Variants in ZMYND11 observed in about 807,000 individuals in gnomAD.
ZMYND11 encodes zinc finger MYND-type containing 11, also known as zinc finger MYND domain-containing protein 11.
A neutral mutation model predicts 84.9 loss-of-function variants in ZMYND11; 9 were observed. The observed-to-expected ratio is 0.11, with a 90% CI of 0.06 to 0.18. The LOEUF is 0.18. Among genes scored for constraint, ZMYND11 ranks in the 10% least tolerant of loss-of-function variants. The pLI, the probability that ZMYND11 is intolerant of heterozygous loss-of-function variation, is 1.00. For missense variants in ZMYND11, 409 were observed against 761.0 expected, an observed-to-expected ratio of 0.54 and a Z score of 5.44; for synonymous variants, 250 against 244.1, an observed-to-expected ratio of 1.02 and a Z score of -0.23.
intron 5 of ZMYND11, 140 bp from the exon 6 acceptor site, chr10:237,445 C>G (rs1359315240): frequency 6.1e-6 from 3 of 491,794 alleles, no homozygotes; most frequent in Non-Finnish European, 3.4e-6. Context: ...GAGTTCAAGA[C>G]CAGCCTGGGC....
chr10:158,977 G>GTTTT (rs1378319956), intron 1 of ZMYND11, among the ~76,000 whole-genome samples: 6 of 117,656 alleles, frequency 5.1e-5, no homozygotes, highest in Non-Finnish European at 1.0e-4. Context: ...GATTTGCAGG[G>GTTTT]TTTTTTGTTT....
chr10:253,718 AT>A lies in ZMYND11; in HGVS notation c.*1250del, dbSNP rs928733782. 1 of 152,676 alleles carries A rather than the reference AT, an allele frequency of 6.5e-6. No individual in the cohort carries two copies. The highest frequency in any genetic ancestry group is 6.5e-5 in the Admixed American group (1 of 15,284). The allele number at this position is 152,676 out of a possible 1,614,324, so 9.5% of individuals were successfully genotyped here. The stretch of plus-strand genomic sequence containing the variant: ...AAAGACTGATCTTAGACCAAGTCAA[AT>A]TCCCATTTATCATTTAGTTATTTTT... On this transcript the variant is annotated 3_prime_UTR_variant, in exon 15 of 15. Transcript: ENST00000381604.
intron 4 of ZMYND11, among the ~76,000 whole-genome samples, chr10:221,943 T>C (rs577498332): frequency 6.6e-6 from 1 of 152,312 alleles, no homozygotes; most frequent in African/African-American, 2.4e-5. Context: ...ACAATTACTT[T>C]TATTCATTGA....
At chr10:145,244 ATG>A (rs1838527130) in intron 1 of ZMYND11, among the ~76,000 whole-genome samples, 1 of 150,506 alleles carries the variant, frequency 6.6e-6, no homozygotes, top group African/African-American at 2.4e-5. Context: ...ATGTGTGTGT[ATG>A]TATATATATA....
chr10:254,485 T>A lies in ZMYND11; in HGVS notation c.*2015T>A, dbSNP rs1173943700. ...TGCAAATCATAAAGCTATATCGAGGTGTTGAGCTTAGCCACTATGCACATT... is the reference window on the plus strand; with the variant it reads ...TGCAAATCATAAAGCTATATCGAGGAGTTGAGCTTAGCCACTATGCACATT... On this transcript the variant is annotated 3_prime_UTR_variant, in exon 15 of 15. Coordinates refer to ENST00000381604, the MANE Select transcript of ZMYND11 (RefSeq NM_001370100.5). The A allele has an allele frequency of 6.6e-6, 1 of 152,644 alleles. No homozygotes were observed. The highest frequency in any genetic ancestry group is 2.4e-5 in the African/African-American group (1 of 41,462). The allele number at this position is 152,644 out of a possible 1,614,324, so 9.5% of individuals were successfully genotyped here. A position where few individuals can be genotyped will look rare whatever the true frequency, so the allele number is the denominator to read the frequency against.
At chr10:185,207 T>G (rs1420982892) in intron 2 of ZMYND11, among the ~76,000 whole-genome samples, 2 of 152,084 alleles carry the variant, frequency 1.3e-5, no homozygotes, top group African/African-American at 4.8e-5. Context: ...CATTTTACCC[T>G]CCTATACTCT....
At position 252,238 on chromosome 10, in the gene ZMYND11, T is replaced by C. The variant is rs1953664057; in HGVS notation, c.1687-110T>C. 3 of 1,339,138 alleles carry C rather than the reference T, an allele frequency of 2.2e-6. No homozygotes were observed. The highest frequency in any genetic ancestry group is 2.8e-5 in the South Asian group (2 of 71,634). 83.0% of individuals were successfully genotyped at this position (1,339,138 alleles called of 1,614,324 possible). On this transcript the variant is annotated intron_variant, in intron 14 of 14. Transcript: ENST00000381604. The surrounding 1 kb of genome is among the most constrained non-coding windows in gnomAD (Gnocchi z 4.6). ...AAACGTATTCAGATTCCACAAAAGGTTGAGCCAGAAAGATCTTTTAAAAGC... is the reference window on the plus strand; with the variant it reads ...AAACGTATTCAGATTCCACAAAAGGCTGAGCCAGAAAGATCTTTTAAAAGC...
At chr10:181,398 C>T (rs1173664399) in intron 2 of ZMYND11, among the ~76,000 whole-genome samples, 1 of 152,198 alleles carries the variant, frequency 6.6e-6, no homozygotes, top group East Asian at 1.9e-4. Context: ...GCTGGTGGAT[C>T]GCCTGAGCTC....
intron 6 of ZMYND11, among the ~76,000 whole-genome samples, chr10:239,141 C>T (rs1031873533): frequency 2.6e-5 from 4 of 152,218 alleles, no homozygotes; most frequent in African/African-American, 4.8e-5. Context: ...AGCTTAGCAG[C>T]AGCTTTCTAC....
intron 1 of ZMYND11, among the ~76,000 whole-genome samples, chr10:144,064 G>A (rs1336455486): frequency 6.6e-6 from 1 of 150,702 alleles, no homozygotes; most frequent in Non-Finnish European, 1.5e-5. Context: ...AATATTTTAA[G>A]GACTATTCAA....
intron 4 of ZMYND11, among the ~76,000 whole-genome samples, chr10:227,992 T>C (rs914947952): frequency 6.6e-6 from 1 of 152,218 alleles, no homozygotes; most frequent in African/African-American, 2.4e-5. Flanking sequence ...AGACAACTTA[T>C]AATTTTATAC....
At chr10:251,524 A>T (rs1452650565) in intron 14 of ZMYND11, among the ~76,000 whole-genome samples, 1 of 152,166 alleles carries the variant, frequency 6.6e-6, no homozygotes, top group Admixed American at 6.5e-5. Context: ...GCATGTGTCT[A>T]TCTACAGAAC....
intron 1 of ZMYND11, among the ~76,000 whole-genome samples, chr10:170,156 C>G (rs187632589): frequency 3.5e-4 from 53 of 152,134 alleles, no homozygotes; most frequent in African/African-American, 1.2e-3. Context: ...CCCCACCAAC[C>G]TAGGATTCTG....
In ZMYND11 at chr10:186,052, C is replaced by G. The variant is rs960892910; in HGVS notation, c.116+5924C>G. 8.2e-4 allele frequency among the ~76,000 whole-genome samples: 124 copies of G among 151,206 alleles called. 1 individual carries two copies. Among genetic ancestry groups the G allele is most frequent in the African/African-American group, 2.9e-3 (120 of 41,254 alleles). On this transcript the variant is annotated intron_variant, in intron 2 of 14. Transcript: ENST00000381604. Reference sequence around the variant, plus strand: ...TGAGACGGAGTCTGGCTCTTTCGCCCAGGTTGGAGTGCAGTGGAGCGATCT... The same window carrying G: ...TGAGACGGAGTCTGGCTCTTTCGCCGAGGTTGGAGTGCAGTGGAGCGATCT...
At chr10:214,452 T>C (rs1244360989) in intron 3 of ZMYND11, among the ~76,000 whole-genome samples, 1 of 152,108 alleles carries the variant, frequency 6.6e-6, no homozygotes, top group Non-Finnish European at 1.5e-5. Context: ...AGAAAGTAAA[T>C]GCATAAAAAA....
intron 2 of ZMYND11, among the ~76,000 whole-genome samples, chr10:206,918 A>G (rs1177518186): frequency 2.6e-5 from 4 of 152,050 alleles, no homozygotes; most frequent in South Asian, 2.1e-4. Flanking sequence ...TACATGTGCC[A>G]TGCTGGTGTG....
intron 4 of ZMYND11, among the ~76,000 whole-genome samples, chr10:231,112 T>A (rs1948958309): frequency 6.6e-6 from 1 of 152,260 alleles, no homozygotes; most frequent in African/African-American, 2.4e-5. Context: ...TCGTGATGTA[T>A]GCATTATTCA....
intron 1 of ZMYND11, among the ~76,000 whole-genome samples, chr10:169,753 A>G (rs1844843109): frequency 6.6e-6 from 1 of 152,114 alleles, no homozygotes; most frequent in Admixed American, 6.6e-5. Flanking sequence ...GCAGAGAGAG[A>G]CAAGTCTGGG....
chr10:176,114 C>T (rs1212427051), intron 1 of ZMYND11, among the ~76,000 whole-genome samples: 1 of 152,010 alleles, frequency 6.6e-6, no homozygotes, highest in Non-Finnish European at 1.5e-5. Context: ...CTCCTTTATT[C>T]TCCCTTTTGC....
Sources: gnomAD v4.1 joint callset for allele counts (sites outside exome capture counted in the v4.1 genomes callset) on GRCh38, gnomAD v4.1.1 for gene constraint, Gnocchi (gnomAD v3.1) non-coding constraint, MANE v1.5 for transcripts, NCBI Gene and HGNC (gene_info 2026-07-23, HGNC 2026-07-21) for gene names.